Variants in TSHZ2 observed in about 807,000 individuals in gnomAD.
TSHZ2 encodes teashirt zinc finger homeobox 2, also known as teashirt homolog 2.
A neutral mutation model predicts 74.4 loss-of-function variants in TSHZ2; 21 were observed. The observed-to-expected ratio is 0.28, with a 90% CI of 0.20 to 0.41. The LOEUF (loss-of-function observed/expected upper bound fraction) is 0.41. TSHZ2 is among the 10% of genes least tolerant of loss of function. TSHZ2 has a pLI of 1.00. For synonymous variants in TSHZ2, 540 were observed against 515.3 expected, an observed-to-expected ratio of 1.05 and a Z score of -0.65; for missense variants, 1,244 against 1,293.5, an observed-to-expected ratio of 0.96 and a Z score of 0.59.
intron 2 of TSHZ2, among the ~76,000 whole-genome samples, chr20:53,474,184 C>T (rs1985920605): frequency 6.7e-6 from 1 of 148,564 alleles, no homozygotes; most frequent in African/African-American, 2.5e-5. Flanking sequence ...TCGAGAAGAG[C>T]AACTCCAAGA....
chr20:53,023,017 AC>A (rs111698197), intron 1 of TSHZ2, among the ~76,000 whole-genome samples: 3 of 151,362 alleles, frequency 2.0e-5, no homozygotes, highest in East Asian at 1.9e-4. Flanking sequence ...TCCTCAGACT[AC>A]CCCCCCACCC....
intron 1 of TSHZ2, among the ~76,000 whole-genome samples, chr20:53,245,351 G>A (rs924941716): frequency 1.3e-5 from 2 of 152,124 alleles, no homozygotes; most frequent in Admixed American, 1.3e-4. Flanking sequence ...ATCAGTTCTT[G>A]AATCAGCAAT....
chr20:53,213,026 A>G (rs1989350399), intron 1 of TSHZ2, among the ~76,000 whole-genome samples: 2 of 152,196 alleles, frequency 1.3e-5, no homozygotes, highest in Non-Finnish European at 1.5e-5. Flanking sequence ...GGTGTTGTCA[A>G]TCAAGGGAAA....
At chr20:53,060,763 C>T (rs1235555608) in intron 1 of TSHZ2, among the ~76,000 whole-genome samples, 3 of 152,036 alleles carry the variant, frequency 2.0e-5, no homozygotes, top group African/African-American at 7.2e-5. Context: ...ATTAAAATAT[C>T]CTTCTACACA....
At position 53,323,563 on chromosome 20, in the gene TSHZ2, C is replaced by CTTTTTTT. The variant is rs34687825; in HGVS notation, c.*8+67018_*8+67024dup. 9.9e-3 allele frequency among the ~76,000 whole-genome samples: 363 copies of CTTTTTTT among 36,680 alleles called. 114 individuals carry two copies. Among genetic ancestry groups the CTTTTTTT allele is most frequent in the Non-Finnish European group, 0.013 (281 of 21,686 alleles). The allele number at this position is 36,680 out of a possible 152,430, so 24.1% of individuals were successfully genotyped here. A position where few individuals can be genotyped will look rare whatever the true frequency, so the allele number is the denominator to read the frequency against. Reference sequence around the variant, plus strand: ...CACCCGTTTTCATTGCCTTGGAGGGCTTTTTTTTTTTTTTTTTTTTTTTTT... The same window carrying CTTTTTTT: ...CACCCGTTTTCATTGCCTTGGAGGGCTTTTTTTTTTTTTTTTTTTTTTTTTTTTTTTT... On this transcript the variant is annotated intron_variant, in intron 2 of 2. Coordinates refer to ENST00000371497, the MANE Select transcript of TSHZ2 (RefSeq NM_173485.6).
chr20:52,975,749 G>A (rs1981311529), intron 1 of TSHZ2, among the ~76,000 whole-genome samples: 1 of 152,066 alleles, frequency 6.6e-6, no homozygotes, highest in Non-Finnish European at 1.5e-5. Context: ...TTCATGCAGT[G>A]TTTCTTCTGT....
chr20:53,368,902 CAAAT>C (rs1981369733), intron 2 of TSHZ2, among the ~76,000 whole-genome samples: 1 of 152,076 alleles, frequency 6.6e-6, no homozygotes, highest in Non-Finnish European at 1.5e-5. Context: ...AGACAATAAA[CAAAT>C]AAACATGAAC....
intron 2 of TSHZ2, among the ~76,000 whole-genome samples, chr20:53,343,367 ACACGGTAACTGCTGTGTGGG>A (rs1449332567): frequency 3.3e-5 from 5 of 152,104 alleles, no homozygotes; most frequent in Non-Finnish European, 5.9e-5. Context: ...TCCGGAACAA[ACACGGTAACTGCTGTGTGGG>A]CACACAAGGC....
chr20:53,076,947 G>A (rs6022271), intron 1 of TSHZ2, among the ~76,000 whole-genome samples: 3,762 of 152,276 alleles, frequency 0.025, 157 homozygotes, highest in African/African-American at 0.086. Flanking sequence ...TTGCATTTTT[G>A]TATCCGGAAG....
intron 1 of TSHZ2, among the ~76,000 whole-genome samples, chr20:53,108,932 A>T (rs1273541371): frequency 2.2e-4 from 33 of 152,128 alleles, no homozygotes. Context: ...TGAAGAATAC[A>T]CAACTCTCCC....
At chr20:53,155,448 C>G (rs1340142546) in intron 1 of TSHZ2, among the ~76,000 whole-genome samples, 1 of 151,976 alleles carries the variant, frequency 6.6e-6, no homozygotes, top group Non-Finnish European at 1.5e-5. Flanking sequence ...CTCCCACCTG[C>G]CCATCCCCTT....
chr20:53,100,147 G>A (rs1194178685), intron 1 of TSHZ2, among the ~76,000 whole-genome samples: 1 of 152,160 alleles, frequency 6.6e-6, no homozygotes, highest in Admixed American at 6.5e-5. Context: ...ACTGAGATTA[G>A]TTAACTTGCT....
intron 1 of TSHZ2, among the ~76,000 whole-genome samples, chr20:53,182,138 T>C (rs1180668318): frequency 6.8e-6 from 1 of 147,092 alleles, no homozygotes; most frequent in Admixed American, 6.8e-5. Flanking sequence ...CTCCCTCCCT[T>C]CTCTCCCTCC....
chr20:53,217,455 CAAT>C (rs1362994516), intron 1 of TSHZ2, among the ~76,000 whole-genome samples: 10 of 152,196 alleles, frequency 6.6e-5, no homozygotes, highest in Admixed American at 3.9e-4. Flanking sequence ...GGAAGAACAA[CAAT>C]AATCAGAACA....
chr20:53,254,960 T>A lies in TSHZ2; in HGVS notation c.1502T>A (p.Leu501Gln), dbSNP rs748908386. The A allele has an allele frequency of 6.2e-7, 1 of 1,614,088 alleles. No homozygotes were observed. Among genetic ancestry groups the A allele is most frequent in the South Asian group, 1.1e-5 (1 of 91,068 alleles). The stretch of plus-strand genomic sequence containing the variant: ...GACCCTACAATCAAATATCAATACC[T>A]AAGGGAGGAAGACTTGGAAGATGGC... ...PLDPTIKYQY[L>Q]REEDLEDGSK... Residue 501 changes from leucine (L) to glutamine (Q), a missense_variant, in exon 2 of 3, where the codon CTA becomes CAA. Physicochemically the swap from Leu to Gln is moderately radical, Grantham distance 113. Around this residue, in one of 6 missense-constraint regions of TSHZ2, gnomAD observed 562 missense variants for 544.0 expected, o/e 1.03. Coordinates refer to ENST00000371497, the MANE Select transcript of TSHZ2 (RefSeq NM_173485.6).
In TSHZ2 at chr20:53,255,901, A is replaced by C. The variant is rs1289831585; in HGVS notation, c.2443A>C (p.Arg815=). Residue 815 remains arginine (R), a synonymous_variant, in exon 2 of 3, where the codon AGG becomes CGG. Coordinates refer to ENST00000371497, the MANE Select transcript of TSHZ2 (RefSeq NM_173485.6). This position sits in a 1 kb window ranked among gnomAD's most constrained non-coding sequence, Gnocchi z 4.1. ...ATTPKPASSS[R]VPPMKLEMDV... is the part of the protein sequence containing the mutation. Reference sequence around the variant, plus strand: ...CACCCCAAAGCCAGCCTCCTCCTCCAGGGTCCCCCCCATGAAGCTGGAAAT... The same window carrying C: ...CACCCCAAAGCCAGCCTCCTCCTCCCGGGTCCCCCCCATGAAGCTGGAAAT... The C allele has an allele frequency of 3.1e-6, 5 of 1,613,992 alleles. No homozygotes were observed. The highest frequency in any genetic ancestry group is 3.4e-6 in the Non-Finnish European group (4 of 1,179,944).
intron 1 of TSHZ2, among the ~76,000 whole-genome samples, chr20:53,188,874 G>C (rs1568802750): frequency 6.6e-6 from 1 of 152,028 alleles, no homozygotes; most frequent in Non-Finnish European, 1.5e-5. Flanking sequence ...TATACCTACT[G>C]TATACCAGGC....
intron 1 of TSHZ2, among the ~76,000 whole-genome samples, chr20:53,095,146 A>G (rs1365058212): frequency 1.3e-5 from 2 of 152,214 alleles, no homozygotes; most frequent in Non-Finnish European, 2.9e-5. Context: ...GGTTCAAGCC[A>G]TTAAATTACA....
At chr20:53,447,280 G>A (rs1408559551) in intron 2 of TSHZ2, among the ~76,000 whole-genome samples, 1 of 152,140 alleles carries the variant, frequency 6.6e-6, no homozygotes, top group African/African-American at 2.4e-5. Flanking sequence ...TAAACAGGCT[G>A]GTGCAAGAAG....
Sources: allele counts gnomAD v4.1 joint callset (sites outside exome capture counted in the v4.1 genomes callset), GRCh38; gene constraint gnomAD v4.1.1; regional missense constraint gnomAD v4.1.1; non-coding constraint Gnocchi (gnomAD v3.1); transcripts MANE v1.5; gene names NCBI Gene and HGNC (gene_info 2026-07-23, HGNC 2026-07-21).